The following CDKAL1 variants were observed in gnomAD, a reference collection of about 807,000 sequenced individuals.
CDKAL1 encodes threonylcarbamoyladenosine tRNA methylthiotransferase.
A neutral mutation model predicts 68.2 loss-of-function variants in CDKAL1; 32 were observed. The observed-to-expected ratio is 0.47, with a 90% CI of 0.35 to 0.63. The LOEUF (loss-of-function observed/expected upper bound fraction) is 0.63. CDKAL1 is among the 30% of genes least tolerant of loss of function. The pLI, the probability that CDKAL1 is intolerant of heterozygous loss-of-function variation, is 0.00. For missense variants in CDKAL1, 606 were observed against 696.7 expected (o/e 0.87, Z 1.47); for synonymous variants, 234 against 244.3 (o/e 0.96, Z 0.39).
chr6:20,759,358 A>C (rs55987458), intron 7 of CDKAL1, among the ~76,000 whole-genome samples: 17,304 of 151,980 alleles, frequency 0.11, 1,198 homozygotes, highest in East Asian at 0.34. Flanking sequence ...CTTGGGCAAC[A>C]TGGCGAAACC....
intron 12 of CDKAL1, among the ~76,000 whole-genome samples, chr6:21,100,660 T>G (rs1773534677): frequency 6.7e-6 from 1 of 149,914 alleles, no homozygotes; most frequent in Non-Finnish European, 1.5e-5. Context: ...GCATTTGAGA[T>G]TTTGAAGAGT....
At chr6:21,120,651 G>A (rs1774664656) in intron 13 of CDKAL1, among the ~76,000 whole-genome samples, 2 of 152,104 alleles carry the variant, frequency 1.3e-5, no homozygotes, top group Admixed American at 6.5e-5. Flanking sequence ...GTAAATGTCA[G>A]TATGTGTTTT....
chr6:20,573,417 T>A (rs1764785359), intron 4 of CDKAL1, among the ~76,000 whole-genome samples: 1 of 152,074 alleles, frequency 6.6e-6, no homozygotes, highest in East Asian at 1.9e-4. Context: ...AGGAGTTTTT[T>A]ATGCTCCAAA....
intron 5 of CDKAL1, among the ~76,000 whole-genome samples, chr6:20,714,002 AATG>A (rs2127833939): frequency 6.6e-6 from 1 of 152,266 alleles, no homozygotes; most frequent in African/African-American, 2.4e-5. Context: ...ATGCAAGCAA[AATG>A]ATTTCTTATG....
At chr6:21,181,932 T>A (rs993498594) in intron 13 of CDKAL1, among the ~76,000 whole-genome samples, 1 of 152,204 alleles carries the variant, frequency 6.6e-6, no homozygotes, top group African/African-American at 2.4e-5. Flanking sequence ...CTTAAAGAAC[T>A]TGTTTTATGT....
At chr6:21,009,322 C>T (rs1057149045) in intron 11 of CDKAL1, among the ~76,000 whole-genome samples, 1 of 152,150 alleles carries the variant, frequency 6.6e-6, no homozygotes, top group Admixed American at 6.5e-5. Context: ...TTATACTACA[C>T]TATTGAATAG....
intron 4 of CDKAL1, among the ~76,000 whole-genome samples, chr6:20,618,115 G>T (rs1454073343): frequency 6.6e-6 from 1 of 152,126 alleles, no homozygotes; most frequent in African/African-American, 2.4e-5. Context: ...CATTCTAACT[G>T]CTGTGAGATG....
chr6:21,097,869 T>C (rs1033738973), intron 12 of CDKAL1, among the ~76,000 whole-genome samples: 2 of 152,262 alleles, frequency 1.3e-5, no homozygotes, highest in Non-Finnish European at 2.9e-5. Flanking sequence ...ACAAAAGTAA[T>C]AATTCCATCC....
rs535558380 is a variant in CDKAL1 at position 20,978,374 on chromosome 6, T to C, written c.910-21853T>C. Among the ~76,000 whole-genome samples the C allele has an allele frequency of 2.0e-5, 3 of 152,346 alleles. No homozygotes were observed. The South Asian group carries it at 6.2e-4, about 32-fold the overall frequency. On this transcript the variant is annotated intron_variant, in intron 10 of 15. Coordinates refer to ENST00000274695, the MANE Select transcript of CDKAL1 (RefSeq NM_017774.3). ...AAAGGGCAATCAGCTGTTTCTGTTA[T>C]GATTAAAGGTAGACGTTTCCTTTCA... is the stretch of plus-strand genomic sequence containing the variant.
At chr6:21,061,341 T>C (rs1771130195) in intron 11 of CDKAL1, among the ~76,000 whole-genome samples, 1 of 152,136 alleles carries the variant, frequency 6.6e-6, no homozygotes, top group African/African-American at 2.4e-5. Context: ...CCTAAATGAA[T>C]ATTTTCATTT....
Position 20,933,446 on chromosome 6 carries a change from C to T in CDKAL1, c.743-21973C>T, listed in dbSNP as rs16884308. The stretch of plus-strand genomic sequence containing the variant: ...TAGTTATTAACTAAAAGGAGAGACT[C>T]AAAATTAAGAATGCCTCTGCAACTG... On this transcript the variant is annotated intron_variant, in intron 9 of 15. Transcript: ENST00000274695. 8.1e-3 allele frequency among the ~76,000 whole-genome samples: 1,237 copies of T among 152,300 alleles called. 12 individuals are homozygous for T. The highest frequency in any genetic ancestry group is 0.011 in the Non-Finnish European group (755 of 68,024).
At chr6:21,223,924 A>G (rs993045754) in intron 15 of CDKAL1, among the ~76,000 whole-genome samples, 10 of 152,202 alleles carry the variant, frequency 6.6e-5, no homozygotes, top group African/African-American at 1.9e-4. Context: ...CTCTTCCCCC[A>G]GGAAACTTCA....
rs531467475 is a variant in CDKAL1, at chr6:20,539,041, G to T, written c.-6+3647G>T. On this transcript the variant is annotated intron_variant, in intron 2 of 15. Coordinates refer to ENST00000274695, the MANE Select transcript of CDKAL1 (RefSeq NM_017774.3). This position sits in a 1 kb window ranked among gnomAD's most constrained non-coding sequence, Gnocchi z 4.3. ...ATGAAGAAACATGAAACAAAAGCAGGGTTAGAAGCAGTGAAAGTGTGGGCA... is the reference window on the plus strand; with the variant it reads ...ATGAAGAAACATGAAACAAAAGCAGTGTTAGAAGCAGTGAAAGTGTGGGCA... 6.6e-6 allele frequency among the ~76,000 whole-genome samples: 1 copy of T among 152,288 alleles called. No individual in the cohort carries two copies. The highest frequency in any genetic ancestry group is 6.5e-5 in the Admixed American group (1 of 15,292).
intron 2 of CDKAL1, among the ~76,000 whole-genome samples, chr6:20,536,273 G>T (rs1435502776): frequency 6.6e-6 from 1 of 151,756 alleles, no homozygotes; most frequent in East Asian, 1.9e-4. Context: ...TTTTCCTTTT[G>T]TTGCTTGTGC....
intron 9 of CDKAL1, among the ~76,000 whole-genome samples, chr6:20,847,916 A>G (rs1396546122): frequency 6.6e-6 from 1 of 152,228 alleles, no homozygotes; most frequent in East Asian, 1.9e-4. Context: ...AGGTCTGAGC[A>G]GTGGCTCAAG....
intron 5 of CDKAL1, among the ~76,000 whole-genome samples, chr6:20,725,801 A>G (rs74583475): frequency 9.2e-5 from 14 of 151,622 alleles, no homozygotes; most frequent in East Asian, 3.9e-4. Flanking sequence ...AAAAAAAAAA[A>G]AAAGAAAAAG....
chr6:20,608,398 G>A (rs1766429056), intron 4 of CDKAL1, among the ~76,000 whole-genome samples: 2 of 152,110 alleles, frequency 1.3e-5, no homozygotes, highest in South Asian at 4.2e-4. Flanking sequence ...AGTTCTAAGT[G>A]AGTGTGACTT....
chr6:20,914,137 A>C (rs1561880613), intron 9 of CDKAL1, among the ~76,000 whole-genome samples: 1 of 151,948 alleles, frequency 6.6e-6, no homozygotes, highest in Non-Finnish European at 1.5e-5. Context: ...AAAATACAAA[A>C]AAATTAGCTG....
At chr6:20,895,804 T>A (rs1340813085) in intron 9 of CDKAL1, among the ~76,000 whole-genome samples, 3 of 152,160 alleles carry the variant, frequency 2.0e-5, no homozygotes, top group Non-Finnish European at 4.4e-5. Flanking sequence ...CAAAAACATG[T>A]CCAGTTGCGT....
Sources: allele counts gnomAD v4.1 joint callset (sites outside exome capture counted in the v4.1 genomes callset), GRCh38; gene constraint gnomAD v4.1.1; non-coding constraint Gnocchi (gnomAD v3.1); transcripts MANE v1.5; gene names NCBI Gene and HGNC (gene_info 2026-07-23, HGNC 2026-07-21).